GNAI1: variants seen among roughly 807,000 people sequenced by gnomAD.
GNAI1 encodes the protein G protein subunit alpha i1.
Under a neutral mutation model 38.9 loss-of-function variants are expected in GNAI1, and 11 were observed. The observed-to-expected ratio is 0.28, with a 90% CI of 0.18 to 0.47. GNAI1 has a LOEUF of 0.47. Ranked by LOEUF, GNAI1 falls within the 20% of genes least tolerant of loss-of-function variation. The pLI is 0.99. For synonymous variants in GNAI1, 166 were observed against 145.1 expected (o/e 1.14, Z -1.04); for missense variants, 317 against 436.9 (o/e 0.73, Z 2.45).
intron 3 of GNAI1, among the ~76,000 whole-genome samples, chr7:80,191,458 C>A (rs888373511): frequency 1.3e-5 from 2 of 152,160 alleles, no homozygotes; most frequent in Non-Finnish European, 2.9e-5. Flanking sequence ...GTGGTGCAAT[C>A]TCAGCTCACT....
At chr7:80,144,560 T>C (rs1254829551) in intron 1 of GNAI1, among the ~76,000 whole-genome samples, 7 of 152,218 alleles carry the variant, frequency 4.6e-5, no homozygotes, top group Non-Finnish European at 7.3e-5. Flanking sequence ...ATGAAACTCC[T>C]CCTGTTACCC....
At chr7:80,200,999 G>T (rs1396790632) in intron 4 of GNAI1, among the ~76,000 whole-genome samples, 1 of 152,034 alleles carries the variant, frequency 6.6e-6, no homozygotes, top group African/African-American at 2.4e-5. Flanking sequence ...GTGAATATTT[G>T]ATTATTTTCT....
At chr7:80,202,212 C>G (rs1788699571) in intron 4 of GNAI1, among the ~76,000 whole-genome samples, 1 of 152,080 alleles carries the variant, frequency 6.6e-6, no homozygotes, top group Non-Finnish European at 1.5e-5. Flanking sequence ...GCCTCAGCCT[C>G]CCCAATAGCT....
chr7:80,166,953 A>G (rs1385826070), intron 1 of GNAI1, among the ~76,000 whole-genome samples: 3 of 152,196 alleles, frequency 2.0e-5, no homozygotes, highest in African/African-American at 7.2e-5. Context: ...TGATTAGAGT[A>G]TATTACCTGA....
chr7:80,182,757 C>A (rs993241610), intron 1 of GNAI1, among the ~76,000 whole-genome samples: 1 of 152,116 alleles, frequency 6.6e-6, no homozygotes, highest in Admixed American at 6.5e-5. Flanking sequence ...GACCCTCACC[C>A]CTTTATACAT....
chr7:80,183,016 A>G (rs1479788686), intron 1 of GNAI1, among the ~76,000 whole-genome samples: 2 of 152,156 alleles, frequency 1.3e-5, no homozygotes, highest in Non-Finnish European at 2.9e-5. Flanking sequence ...TGCCACAGAA[A>G]CTGGGAGGCA....
rs1013231228 is a variant in GNAI1 at position 80,167,960 on chromosome 7, T to C, written c.119-20991T>C. 3.9e-5 allele frequency among the ~76,000 whole-genome samples: 6 copies of C among 152,318 alleles called. No individual in the cohort carries two copies. The Middle Eastern group carries it at 0.014, about 345-fold the overall frequency. ...CAACAAAATATAGGTCATTAGCAAATTGTGCAGGACATGGAAAGTACTCTG... is the reference window on the plus strand; with the variant it reads ...CAACAAAATATAGGTCATTAGCAAACTGTGCAGGACATGGAAAGTACTCTG... On this transcript the variant is annotated intron_variant, in intron 1 of 7. Transcript: ENST00000649796.
At chr7:80,142,816 A>T (rs920550442) in intron 1 of GNAI1, among the ~76,000 whole-genome samples, 1 of 147,530 alleles carries the variant, frequency 6.8e-6, no homozygotes, top group Non-Finnish European at 1.5e-5. Context: ...TGGGGACCAT[A>T]TTCTTGTTGC....
chr7:80,181,809 A>G (rs1050110870), intron 1 of GNAI1, among the ~76,000 whole-genome samples: 1 of 152,218 alleles, frequency 6.6e-6, no homozygotes, highest in Non-Finnish European at 1.5e-5. Flanking sequence ...CTGATGTTTT[A>G]CTATATGGGT....
chr7:80,198,644 A>G (rs1021506073), intron 3 of GNAI1, among the ~76,000 whole-genome samples: 2 of 152,098 alleles, frequency 1.3e-5, no homozygotes, highest in Non-Finnish European at 2.9e-5. Flanking sequence ...CTTCTGCCCC[A>G]TTGATTTTAA....
intron 1 of GNAI1, among the ~76,000 whole-genome samples, chr7:80,143,500 T>C (rs1787563396): frequency 6.6e-6 from 1 of 152,216 alleles, no homozygotes; most frequent in Admixed American, 6.5e-5. Flanking sequence ...TTGCTATCTA[T>C]GAATTTAGTT....
At chr7:80,214,587 ACATAATTCTTT>A (rs1788928675) in intron 7 of GNAI1, among the ~76,000 whole-genome samples, 1 of 152,222 alleles carries the variant, frequency 6.6e-6, no homozygotes, top group Non-Finnish European at 1.5e-5. Context: ...AAAGAATATT[ACATAATTCTTT>A]CACATCCCCA....
chr7:80,188,107 A>C (rs926741181), intron 1 of GNAI1, among the ~76,000 whole-genome samples: 9 of 152,216 alleles, frequency 5.9e-5, no homozygotes, highest in Non-Finnish European at 1.2e-4. Flanking sequence ...CCAGCACAAC[A>C]CTGAACCCTC....
chr7:80,137,899 G>C (rs914601103), intron 1 of GNAI1, among the ~76,000 whole-genome samples: 4 of 152,140 alleles, frequency 2.6e-5, no homozygotes, highest in African/African-American at 9.7e-5. Flanking sequence ...TCAATTCTTG[G>C]AATGTTCGAA....
chr7:80,190,903 ATAACT>A (rs1184981823), intron 3 of GNAI1, among the ~76,000 whole-genome samples: 1 of 151,726 alleles, frequency 6.6e-6, no homozygotes, highest in African/African-American at 2.4e-5. Context: ...TTTTTTAAAC[ATAACT>A]TGGGCGTAGT....
chr7:80,165,130 G>A (rs570046120), intron 1 of GNAI1, among the ~76,000 whole-genome samples: 5 of 152,178 alleles, frequency 3.3e-5, no homozygotes, highest in Admixed American at 1.3e-4. Flanking sequence ...ATTAATAGGA[G>A]TTTTATGATT....
Position 80,191,988 on chromosome 7 carries a change from G to A in GNAI1, c.303+2757G>A, listed in dbSNP as rs183529289. ...TTTGAGAATTATTTTAAAACATTTT[G>A]TTCATTTATATTTCTTCTGTGAACT... On this transcript the variant is annotated intron_variant, in intron 3 of 7. Transcript: ENST00000649796. Among the ~76,000 whole-genome samples the A allele has an allele frequency of 2.6e-5, 4 of 152,032 alleles. No individual in the cohort carries two copies. In the East Asian group the frequency reaches 5.8e-4, roughly 22 times the overall value.
At chr7:80,191,230 G>C (rs1788474993) in intron 3 of GNAI1, among the ~76,000 whole-genome samples, 1 of 151,894 alleles carries the variant, frequency 6.6e-6, no homozygotes, top group Non-Finnish European at 1.5e-5. Flanking sequence ...CAAAACTACT[G>C]GGCTTTTGCA....
chr7:80,188,898 A>G, intron 1 of GNAI1, 53 bp from the exon 2 acceptor site: 1 of 1,128,358 alleles, frequency 8.9e-7, no homozygotes, highest in African/African-American at 1.5e-5. Flanking sequence ...GGAGTTGAAT[A>G]TACTTAAGTG....
Sources: gnomAD v4.1 joint callset for allele counts (sites outside exome capture counted in the v4.1 genomes callset) on GRCh38, gnomAD v4.1.1 for gene constraint, MANE v1.5 for transcripts, NCBI Gene and HGNC (gene_info 2026-07-23, HGNC 2026-07-21) for gene names.